The following CENPW variants were observed in gnomAD, a reference collection of about 807,000 sequenced individuals.
CENPW encodes cancer-up-regulated gene 2 protein.
A neutral mutation model predicts 11.1 loss-of-function variants in CENPW; 3 were observed. The ratio of observed to expected loss-of-function variants is 0.27; its 90% CI spans 0.12 to 0.70. The LOEUF (loss-of-function observed/expected upper bound fraction) is 0.70, where lower values mean the gene tolerates loss of function less well. CENPW is among the 30% of genes least tolerant of loss of function. CENPW has a pLI of 0.77. For missense variants in CENPW, 100 were observed against 105.6 expected, an observed-to-expected ratio of 0.95 and a Z score of 0.23; for synonymous variants, 38 against 42.0, an observed-to-expected ratio of 0.91 and a Z score of 0.37.
At chr6:126,400,506 A>C in the CENPW span, among the ~76,000 whole-genome samples, 1 of 151,994 alleles carries the variant, frequency 6.6e-6, no homozygotes, top group Non-Finnish European at 1.5e-5. Context: ...TAACTCAGTG[A>C]AGTGACATCA....
At chr6:126,407,954 T>G in the CENPW span, among the ~76,000 whole-genome samples, 32 of 152,306 alleles carry the variant, frequency 2.1e-4, no homozygotes, top group African/African-American at 7.5e-4. Context: ...ATTTGTCAGT[T>G]TTCGTTTTTG....
chr6:126,415,835 A>T, the CENPW span, among the ~76,000 whole-genome samples: 1 of 152,134 alleles, frequency 6.6e-6, no homozygotes, highest in African/African-American at 2.4e-5. Flanking sequence ...AATAAACCTC[A>T]TTCTTTTGGA....
chr6:126,423,202 A>G, the CENPW span, among the ~76,000 whole-genome samples: 1 of 152,068 alleles, frequency 6.6e-6, no homozygotes. Flanking sequence ...TAATTACAGA[A>G]AGATGTTTCT....
chr6:126,382,418 T>C, the CENPW span, among the ~76,000 whole-genome samples: 31 of 152,244 alleles, frequency 2.0e-4, no homozygotes, highest in Admixed American at 1.6e-3. Flanking sequence ...GCACTAGCTC[T>C]CCAGCAAAAG....
the CENPW span, among the ~76,000 whole-genome samples, chr6:126,369,761 G>C: frequency 6.6e-6 from 1 of 152,108 alleles, no homozygotes; most frequent in Admixed American, 6.5e-5. Flanking sequence ...TTCTTTTGCT[G>C]TGCAGAAGTT....
chr6:126,382,450 C>T, the CENPW span, among the ~76,000 whole-genome samples: 2 of 151,908 alleles, frequency 1.3e-5, no homozygotes, highest in African/African-American at 2.4e-5. Flanking sequence ...GCTGAGATGG[C>T]TGAAATGACA....
the CENPW span, among the ~76,000 whole-genome samples, chr6:126,386,152 C>T: frequency 1.8e-4 from 27 of 152,128 alleles, no homozygotes; most frequent in South Asian, 3.1e-3. Context: ...GATATGCAGA[C>T]GATCTAATTA....
chr6:126,355,574 C>T, the CENPW span, among the ~76,000 whole-genome samples: 1 of 151,996 alleles, frequency 6.6e-6, no homozygotes, highest in Non-Finnish European at 1.5e-5. Context: ...CTTGTTCTTC[C>T]TGTGTTATAC....
At chr6:126,391,079 A>G in the CENPW span, among the ~76,000 whole-genome samples, 1 of 152,006 alleles carries the variant, frequency 6.6e-6, no homozygotes, top group Non-Finnish European at 1.5e-5. Context: ...ACTAACATAC[A>G]TTCCCACCAA....
At chr6:126,474,924 G>A in the CENPW span, among the ~76,000 whole-genome samples, 573 of 152,114 alleles carry the variant, frequency 3.8e-3, 6 homozygotes, top group Non-Finnish European at 2.7e-3. Flanking sequence ...CAGATTTTAG[G>A]TGCCTGCTAT....
chr6:126,466,086 A>G, the CENPW span, among the ~76,000 whole-genome samples: 1 of 152,148 alleles, frequency 6.6e-6, no homozygotes, highest in Non-Finnish European at 1.5e-5. Context: ...TGTATATAGT[A>G]GTGCTGAATA....
At chr6:126,418,539 T>A in the CENPW span, among the ~76,000 whole-genome samples, 1 of 152,128 alleles carries the variant, frequency 6.6e-6, no homozygotes, top group Admixed American at 6.5e-5. Context: ...GAAGTGAAAT[T>A]ATTCTTTATG....
the CENPW span, among the ~76,000 whole-genome samples, chr6:126,409,403 G>A: frequency 6.6e-5 from 10 of 152,114 alleles, no homozygotes; most frequent in Non-Finnish European, 1.0e-4. Flanking sequence ...TTCTTCAGCT[G>A]TTGGATGAAA....
the CENPW span, among the ~76,000 whole-genome samples, chr6:126,473,631 G>A: frequency 1.3e-5 from 2 of 151,912 alleles, no homozygotes; most frequent in Non-Finnish European, 2.9e-5. Context: ...TACTTTGGAG[G>A]CTGAGGCAAG....
At chr6:126,418,644 C>T in the CENPW span, among the ~76,000 whole-genome samples, 1 of 152,000 alleles carries the variant, frequency 6.6e-6, no homozygotes, top group Non-Finnish European at 1.5e-5. Context: ...TTAAAAAATC[C>T]AGTAAACTCC....
At chr6:126,345,473 C>T (rs543571908) in intron 1 of CENPW, among the ~76,000 whole-genome samples, 36 of 152,062 alleles carry the variant, frequency 2.4e-4, no homozygotes, top group Admixed American at 7.2e-4. Flanking sequence ...ATTATAGACT[C>T]AAAAGGTGCA....
the CENPW span, among the ~76,000 whole-genome samples, chr6:126,394,170 T>C: frequency 6.6e-6 from 1 of 151,832 alleles, no homozygotes; most frequent in African/African-American, 2.4e-5. Context: ...AGCATTTCGT[T>C]ATTTGCTCTC....
At chr6:126,471,102 G>A in the CENPW span, among the ~76,000 whole-genome samples, 2 of 152,024 alleles carry the variant, frequency 1.3e-5, no homozygotes, top group Non-Finnish European at 2.9e-5. Flanking sequence ...TTTGGAAGGG[G>A]CCAGGGGCTG....
the CENPW span, among the ~76,000 whole-genome samples, chr6:126,471,028 G>A: frequency 6.6e-6 from 1 of 152,176 alleles, no homozygotes; most frequent in Non-Finnish European, 1.5e-5. Context: ...GCTGGAATGA[G>A]TTAAGAATTT....
Sources: allele counts gnomAD v4.1 joint callset (sites outside exome capture counted in the v4.1 genomes callset), GRCh38; gene constraint gnomAD v4.1.1; transcripts MANE v1.5; gene names NCBI Gene and HGNC (gene_info 2026-07-23, HGNC 2026-07-21).